SBF2: variants seen among roughly 807,000 people sequenced by gnomAD.
The protein encoded by SBF2 is SET binding factor 2, also known as myotubularin-related protein 13.
SBF2 carries 112 observed loss-of-function variants against 225.2 expected under a neutral mutation model. The observed-to-expected ratio is 0.50, with a 90% CI of 0.43 to 0.58. The LOEUF is 0.58. Among genes scored for constraint, SBF2 ranks in the 20% least tolerant of loss-of-function variants. The pLI, the probability that SBF2 is intolerant of heterozygous loss-of-function variation, is 0.00. For synonymous variants in SBF2, 763 were observed against 773.3 expected, an observed-to-expected ratio of 0.99 and a Z score of 0.22; for missense variants, 1,996 against 2,206.2, an observed-to-expected ratio of 0.90 and a Z score of 1.91.
chr11:9,922,246 T>A (rs1391071661), intron 16 of SBF2, among the ~76,000 whole-genome samples: 4 of 151,258 alleles, frequency 2.6e-5, no homozygotes, highest in Non-Finnish European at 4.4e-5. Context: ...CAAGACTCTG[T>A]CTCAAAAAAA....
intron 2 of SBF2, among the ~76,000 whole-genome samples, chr11:10,174,404 G>C (rs1052712392): frequency 6.6e-6 from 1 of 152,270 alleles, no homozygotes; most frequent in African/African-American, 2.4e-5. Flanking sequence ...TGGAAGAAAG[G>C]GTATCAGCGA....
intron 1 of SBF2, among the ~76,000 whole-genome samples, chr11:10,302,237 T>G (rs747574809): frequency 2.6e-5 from 4 of 152,196 alleles, no homozygotes; most frequent in Admixed American, 6.5e-5. Flanking sequence ...TTAAACAAAC[T>G]CGAGATTTCA....
chr11:10,133,484 A>G (rs56104571), intron 2 of SBF2, among the ~76,000 whole-genome samples: 16,213 of 118,982 alleles, frequency 0.14, 2,244 homozygotes, highest in Non-Finnish European at 0.2. Flanking sequence ...GAGAAATCGA[A>G]CGCAGTGCCG....
upstream of SBF2, chr11:10,294,285 A>G (rs1422819331): frequency 2.2e-5 from 8 of 364,628 alleles, no homozygotes; most frequent in East Asian, 1.3e-4. Context: ...GGCTGCCCCA[A>G]GCCCGGGCGG....
intron 1 of SBF2, among the ~76,000 whole-genome samples, chr11:10,226,224 C>CA (rs1958534597): frequency 6.6e-6 from 1 of 151,892 alleles, no homozygotes; most frequent in Admixed American, 6.6e-5. Flanking sequence ...AAAGATGTCC[C>CA]AAAAAACCAA....
chr11:10,279,269 C>T (rs1189247687), intron 1 of SBF2, among the ~76,000 whole-genome samples: 3 of 151,652 alleles, frequency 2.0e-5, no homozygotes, highest in African/African-American at 7.3e-5. Context: ...AAAACTTAGC[C>T]GGGCATGGTG....
intron 14 of SBF2, among the ~76,000 whole-genome samples, chr11:9,968,092 C>T (rs1016658139): frequency 1.3e-5 from 2 of 151,300 alleles, no homozygotes; most frequent in African/African-American, 4.9e-5. Context: ...GGTGAATTTA[C>T]AGTATGTAAC....
intron 1 of SBF2, among the ~76,000 whole-genome samples, chr11:10,225,428 T>C (rs1958502648): frequency 6.6e-6 from 1 of 151,286 alleles, no homozygotes; most frequent in Admixed American, 6.6e-5. Flanking sequence ...AAACCCGTCG[T>C]CTAAGTGGTA....
chr11:10,238,236 CTA>C (rs1959156901), intron 1 of SBF2, among the ~76,000 whole-genome samples: 1 of 152,010 alleles, frequency 6.6e-6, no homozygotes, highest in Non-Finnish European at 1.5e-5. Context: ...TGGTGAAACC[CTA>C]TCTCTACAAA....
chr11:10,265,608 T>G (rs1961909308), intron 1 of SBF2, among the ~76,000 whole-genome samples: 12 of 151,956 alleles, frequency 7.9e-5, no homozygotes, highest in Admixed American at 7.9e-4. Flanking sequence ...GAAAACCACA[T>G]GCAGCTTAAA....
intron 2 of SBF2, among the ~76,000 whole-genome samples, chr11:10,180,967 T>C (rs1404227897): frequency 1.3e-5 from 2 of 152,024 alleles, no homozygotes; most frequent in Non-Finnish European, 2.9e-5. Flanking sequence ...ATATTAGAGG[T>C]TTTTCTGGTA....
At chr11:10,258,181 T>C (rs1176786794) in intron 1 of SBF2, among the ~76,000 whole-genome samples, 1 of 151,842 alleles carries the variant, frequency 6.6e-6, no homozygotes, top group Non-Finnish European at 1.5e-5. Flanking sequence ...CAAACCTCAT[T>C]GCATCCTCAA....
chr11:10,231,848 C>T (rs1285931905), intron 1 of SBF2, among the ~76,000 whole-genome samples: 1 of 152,208 alleles, frequency 6.6e-6, no homozygotes, highest in Non-Finnish European at 1.5e-5. Flanking sequence ...CAGACAGGGA[C>T]ATTTAGGTCT....
At chr11:10,286,162 A>ACACG (rs1446927271) in intron 1 of SBF2, among the ~76,000 whole-genome samples, 2 of 109,210 alleles carry the variant, frequency 1.8e-5, no homozygotes, top group Admixed American at 9.2e-5. Context: ...ATAAACACGC[A>ACACG]CACGCACACA....
intron 16 of SBF2, among the ~76,000 whole-genome samples, chr11:9,923,277 C>T (rs7102482): frequency 0.29 from 44,564 of 151,702 alleles, 8,103 homozygotes; most frequent in African/African-American, 0.52. Context: ...TGACGAGCAA[C>T]TAAACCTGCA....
chr11:9,917,493 A>G (rs1410080533), intron 16 of SBF2, among the ~76,000 whole-genome samples: 1 of 151,288 alleles, frequency 6.6e-6, no homozygotes, highest in Non-Finnish European at 1.5e-5. Flanking sequence ...CACCAGGCCC[A>G]GCTAATTTTT....
intron 1 of SBF2, among the ~76,000 whole-genome samples, chr11:10,262,109 A>C (rs1961496247): frequency 6.6e-6 from 1 of 152,158 alleles, no homozygotes; most frequent in Non-Finnish European, 1.5e-5. Flanking sequence ...AAGAAAAAAA[A>C]AGTCCCCAAA....
At chr11:9,888,472 C>A (rs1463594106) in intron 17 of SBF2, among the ~76,000 whole-genome samples, 2 of 150,398 alleles carry the variant, frequency 1.3e-5, no homozygotes, top group Non-Finnish European at 2.9e-5. Context: ...TCACTGTACT[C>A]CAGCTTGGGC....
upstream of SBF2, among the ~76,000 whole-genome samples, chr11:10,299,081 G>A (rs959320986): frequency 3.3e-5 from 5 of 152,154 alleles, no homozygotes; most frequent in African/African-American, 1.2e-4. Context: ...GCTCACGCCT[G>A]TAATCGCAGC....
Sources: allele counts gnomAD v4.1 joint callset (sites outside exome capture counted in the v4.1 genomes callset), GRCh38; gene constraint gnomAD v4.1.1; transcripts MANE v1.5; gene names NCBI Gene and HGNC (gene_info 2026-07-23, HGNC 2026-07-21).